FMC1: variants seen among roughly 807,000 people sequenced by gnomAD.
The protein encoded by FMC1 is protein FMC1 homolog.
A neutral mutation model predicts 10.5 loss-of-function variants in FMC1; 6 were observed. The ratio of observed to expected loss-of-function variants is 0.57; its 90% CI spans 0.31 to 1.12. The LOEUF is 1.12. Ranked by LOEUF, FMC1 falls within the 50% of genes most tolerant of loss-of-function variation. FMC1 has a pLI of 0.05. For synonymous variants in FMC1, 59 were observed against 62.1 expected (o/e 0.95, Z 0.24); for missense variants, 146 against 151.7 (o/e 0.96, Z 0.20).
chr7:139,340,631 A>G (rs957482732), upstream of FMC1: 3 of 396,658 alleles, frequency 7.6e-6, no homozygotes, highest in Non-Finnish European at 1.3e-5. Flanking sequence ...TAAGGCGAAA[A>G]TGAAGTGACG....
intron 1 of FMC1, among the ~76,000 whole-genome samples, chr7:139,345,219 T>C (rs980813623): frequency 3.3e-5 from 5 of 152,266 alleles, no homozygotes; most frequent in East Asian, 1.9e-4. Context: ...AGTTTCCTCA[T>C]CTGTAAAATT....
chr7:139,345,298 T>C (rs1191512198), intron 1 of FMC1, among the ~76,000 whole-genome samples: 2 of 152,154 alleles, frequency 1.3e-5, no homozygotes, highest in African/African-American at 4.8e-5. Flanking sequence ...CAACTCCTTT[T>C]AAAAATCCGA....
At chr7:139,343,486 G>C (rs1452749521) in intron 1 of FMC1, among the ~76,000 whole-genome samples, 1 of 152,164 alleles carries the variant, frequency 6.6e-6, no homozygotes, top group Non-Finnish European at 1.5e-5. Flanking sequence ...TGAGGTGAGA[G>C]GATCACTTGA....
chr7:139,343,321 C>G (rs554239247), intron 1 of FMC1, among the ~76,000 whole-genome samples: 1 of 152,210 alleles, frequency 6.6e-6, no homozygotes, highest in Non-Finnish European at 1.5e-5. Context: ...TGTTTTTAAG[C>G]AGCTAATGAA....
At chr7:139,342,086 G>A (rs1246726171) in intron 1 of FMC1, among the ~76,000 whole-genome samples, 1 of 152,182 alleles carries the variant, frequency 6.6e-6, no homozygotes, top group Non-Finnish European at 1.5e-5. Context: ...ACGTCAGAAT[G>A]TAAAATCTTA....
chr7:139,341,646 T>A (rs1398059863), intron 1 of FMC1, 124 bp downstream of exon 1: 6 of 1,453,026 alleles, frequency 4.1e-6, no homozygotes, highest in Non-Finnish European at 4.6e-6. Context: ...CACGGAGCCC[T>A]GGTTCTGACC....
At chr7:139,344,785 C>T (rs1423278268) in intron 1 of FMC1, 7 of 147,590 alleles carry the variant, frequency 4.7e-5, no homozygotes, top group African/African-American at 1.8e-4. Context: ...TCACTGCAAG[C>T]TCCGCCTCCT....
Position 139,345,683 on chromosome 7 carries a change from A to C in FMC1, c.321A>C (p.Gly107=). 6.2e-7 allele frequency: 1 copy of C among 1,614,102 alleles called. No individual in the cohort carries two copies. The highest frequency in any genetic ancestry group is 8.5e-7 in the Non-Finnish European group (1 of 1,180,006). The change falls in exon 2 of 2, where the codon GGA becomes GGC. Residue 107 remains glycine, a synonymous_variant. Coordinates refer to ENST00000297534, the MANE Select transcript of FMC1 (RefSeq NM_197964.5). ...LVGLKLPHQP[G]GKGWEP ...GTCTCAAGTTGCCCCATCAGCCTGG[A>C]GGGAAGGGCTGGGAGCCATGAACAT...
intron 1 of FMC1, among the ~76,000 whole-genome samples, 175 bp from the exon 2 acceptor site, chr7:139,345,326 C>T (rs1338479886): frequency 1.3e-5 from 2 of 152,182 alleles, no homozygotes; most frequent in African/African-American, 2.4e-5. Context: ...GTCAGCTTTA[C>T]TAATAACTAT....
At chr7:139,340,523 G>C (rs149131357), upstream of FMC1, 1 of 398,420 alleles carries the variant, frequency 2.5e-6, no homozygotes, top group African/African-American at 2.1e-5. Context: ...CGAGGGTAAA[G>C]CCTTTGGCGC....
rs776746104 is a variant in FMC1, at chr7:139,345,563, C to T, written c.201C>T (p.Leu67=). The T allele has an allele frequency of 2.5e-6, 4 of 1,614,170 alleles. No individual in the cohort carries two copies. The highest frequency in any genetic ancestry group is 3.4e-6 in the Non-Finnish European group (4 of 1,180,038). ...TTCATTTCCAAGCTGCCACCTATCT[C>T]TGCCTCCTGCGTAGCATCCGGAAAC... ...HELHFQAATY[L]CLLRSIRKHV... is the part of the protein sequence containing the mutation. The change falls in exon 2 of 2, where the codon CTC becomes CTT. Residue 67 remains leucine (L), a synonymous_variant. Coordinates refer to ENST00000297534, the MANE Select transcript of FMC1 (RefSeq NM_197964.5).
At chr7:139,340,756 G>GT (rs1271780615), upstream of FMC1, 6 of 375,548 alleles carry the variant, frequency 1.6e-5, no homozygotes, top group Admixed American at 4.6e-5. Context: ...TTGTGGGTTC[G>GT]AGTCCCATCT....
Position 139,345,922 on chromosome 7 carries a change from T to A in FMC1, c.*218T>A. The A allele has an allele frequency of 2.3e-6, 1 of 429,814 alleles. No individual in the cohort carries two copies. The highest frequency in any genetic ancestry group is 3.9e-6 in the Non-Finnish European group (1 of 258,412). 26.6% of individuals were successfully genotyped at this position (429,814 alleles called of 1,614,324 possible). On this transcript the variant is annotated 3_prime_UTR_variant, in exon 2 of 2. Transcript: ENST00000297534. ...GTTGTTTTTCTACTTAAAAAAATTTTTTTATATTTTATTTTAAAAGTAGTA... is the reference window on the plus strand; with the variant it reads ...GTTGTTTTTCTACTTAAAAAAATTTATTTATATTTTATTTTAAAAGTAGTA...
Position 139,341,498 on chromosome 7 carries a change from T to G in FMC1, c.114T>G (p.Leu38=). 1.9e-6 allele frequency: 3 copies of G among 1,613,578 alleles called. No individual in the cohort carries two copies. Among genetic ancestry groups the G allele is most frequent in the Non-Finnish European group, 2.5e-6 (3 of 1,179,800 alleles). ...GCGACACCGCGGCCTATCGGTACCT[T>G]GTGAAGGCTTTCCGTGCACATCGGG... The part of the protein sequence containing the change: ...PYRDTAAYRY[L]VKAFRAHRVT... Residue 38 remains leucine, a synonymous_variant, in exon 1 of 2, where the codon CTT becomes CTG. Coordinates refer to ENST00000297534, the MANE Select transcript of FMC1 (RefSeq NM_197964.5).
At chr7:139,342,222 A>T (rs919353650) in intron 1 of FMC1, among the ~76,000 whole-genome samples, 2 of 152,152 alleles carry the variant, frequency 1.3e-5, no homozygotes, top group Admixed American at 6.5e-5. Context: ...CCACCTAAGG[A>T]GCCATACAGT....
intron 1 of FMC1, among the ~76,000 whole-genome samples, 194 bp from the exon 2 acceptor site, chr7:139,345,307 G>A (rs926565761): frequency 6.6e-6 from 1 of 152,076 alleles, no homozygotes; most frequent in East Asian, 1.9e-4. Flanking sequence ...TTAAAAATCC[G>A]AACTAGAGGT....
chr7:139,342,718 T>C (rs1049473054), intron 1 of FMC1, among the ~76,000 whole-genome samples: 1 of 152,170 alleles, frequency 6.6e-6, no homozygotes, highest in African/African-American at 2.4e-5. Flanking sequence ...TGCCTCGGCC[T>C]CCCAAAGTGT....
At chr7:139,340,831 C>CTT (rs112287672), upstream of FMC1, among the ~76,000 whole-genome samples, 33 of 145,252 alleles carry the variant, frequency 2.3e-4, no homozygotes, top group South Asian at 6.6e-4. Context: ...GCCAACTTTA[C>CTT]TTTTTTTTTT....
chr7:139,341,861 A>G (rs1173712921), intron 1 of FMC1, among the ~76,000 whole-genome samples: 2 of 152,204 alleles, frequency 1.3e-5, no homozygotes, highest in Non-Finnish European at 2.9e-5. Flanking sequence ...TGGGGATAAA[A>G]CAATGAAGAT....
Sources: gnomAD v4.1 joint callset for allele counts (sites outside exome capture counted in the v4.1 genomes callset) on GRCh38, gnomAD v4.1.1 for gene constraint, MANE v1.5 for transcripts, NCBI Gene and HGNC (gene_info 2026-07-23, HGNC 2026-07-21) for gene names.